The following SLC24A3 variants were observed in gnomAD, a reference collection of about 807,000 sequenced individuals.
SLC24A3 encodes sodium/potassium/calcium exchanger 3.
SLC24A3 carries 28 observed loss-of-function variants against 75.8 expected under a neutral mutation model. The ratio of observed to expected loss-of-function variants is 0.37; its 90% confidence interval spans 0.27 to 0.51. SLC24A3 has a LOEUF of 0.51. Among genes scored for constraint, SLC24A3 ranks in the 20% least tolerant of loss-of-function variants. The pLI, the probability that SLC24A3 is intolerant of heterozygous loss-of-function variation, is 0.94. For synonymous variants in SLC24A3, 372 were observed against 334.1 expected (o/e 1.11, Z -1.24); for missense variants, 663 against 847.8 (o/e 0.78, Z 2.71).
In SLC24A3 at chr20:19,346,063, CTATATATATATATATA is replaced by C. The variant is rs763603062; in HGVS notation, c.271+65006_271+65021del. On this transcript the variant is annotated intron_variant, in intron 2 of 16. Transcript: ENST00000328041. ...CCCATCAATCAATGAATAAAGAAAA[CTATATATATATATATA>C]TATATATATATATATATATATATAT... Among the ~76,000 whole-genome samples the C allele has an allele frequency of 7.2e-3, 154 of 21,256 alleles. 8 individuals carry two copies. In the East Asian group the frequency reaches 0.099, roughly 14 times the overall value. 13.9% of individuals were successfully genotyped at this position (21,256 alleles called of 152,430 possible).
chr20:19,554,593 AGTT>A (rs1179714681), intron 3 of SLC24A3, among the ~76,000 whole-genome samples: 3 of 151,978 alleles, frequency 2.0e-5, no homozygotes, highest in African/African-American at 7.2e-5. Context: ...TGTTTGACGG[AGTT>A]GTTGTTAAGC....
intron 2 of SLC24A3, among the ~76,000 whole-genome samples, chr20:19,424,581 C>T (rs1986967791): frequency 6.6e-6 from 1 of 151,834 alleles, no homozygotes; most frequent in Non-Finnish European, 1.5e-5. Context: ...ATCCCAGCTA[C>T]TTGGGAGGCT....
At chr20:19,704,741 G>C (rs1197785047) in intron 15 of SLC24A3, among the ~76,000 whole-genome samples, 1 of 152,160 alleles carries the variant, frequency 6.6e-6, no homozygotes, top group Non-Finnish European at 1.5e-5. Context: ...AGCATTCTGA[G>C]AAGGAACAGT....
intron 2 of SLC24A3, among the ~76,000 whole-genome samples, chr20:19,395,094 A>G (rs949825806): frequency 4.6e-5 from 7 of 152,348 alleles, no homozygotes; most frequent in Admixed American, 2.0e-4. Context: ...TTATAAAAAG[A>G]CAAATACTAT....
chr20:19,609,158 G>C (rs2031638970), intron 6 of SLC24A3, among the ~76,000 whole-genome samples: 1 of 152,260 alleles, frequency 6.6e-6, no homozygotes, highest in Middle Eastern at 3.4e-3. Context: ...TGAAACTCTT[G>C]AATGTTTTTC....
intron 2 of SLC24A3, among the ~76,000 whole-genome samples, chr20:19,317,338 T>C (rs1422147970): frequency 6.6e-6 from 1 of 152,238 alleles, no homozygotes. Flanking sequence ...CTAAGTGAGC[T>C]ACCGGTGACT....
intron 3 of SLC24A3, among the ~76,000 whole-genome samples, chr20:19,553,445 T>A: frequency 6.6e-6 from 1 of 152,080 alleles, no homozygotes; most frequent in East Asian, 1.9e-4. Context: ...AAATGAGAAA[T>A]CTCATGTATG....
intron 2 of SLC24A3, among the ~76,000 whole-genome samples, chr20:19,418,176 A>G (rs748333640): frequency 6.6e-6 from 1 of 152,208 alleles, no homozygotes; most frequent in Admixed American, 6.5e-5. Context: ...CAAAGTGGAA[A>G]AGCAGGACAA....
intron 2 of SLC24A3, among the ~76,000 whole-genome samples, chr20:19,304,994 G>T (rs1157281598): frequency 6.6e-6 from 1 of 152,028 alleles, no homozygotes; most frequent in African/African-American, 2.4e-5. Flanking sequence ...AACTTTTCCT[G>T]TTGGCTGCTT....
At chr20:19,341,045 A>G (rs1985261244) in intron 2 of SLC24A3, among the ~76,000 whole-genome samples, 1 of 152,190 alleles carries the variant, frequency 6.6e-6, no homozygotes, top group South Asian at 2.1e-4. Context: ...TACCTGTAGG[A>G]TGAGTGCACC....
chr20:19,567,263 G>A (rs1172680973), intron 3 of SLC24A3, among the ~76,000 whole-genome samples: 1 of 152,148 alleles, frequency 6.6e-6, no homozygotes, highest in African/African-American at 2.4e-5. Context: ...CAAAGACATG[G>A]AATCAACTTA....
At chr20:19,718,902 G>C (rs1228135855) in intron 16 of SLC24A3, among the ~76,000 whole-genome samples, 2 of 152,212 alleles carry the variant, frequency 1.3e-5, no homozygotes, top group Admixed American at 1.3e-4. Context: ...AGATCTCCAA[G>C]GGAATGAGTG....
intron 1 of SLC24A3, among the ~76,000 whole-genome samples, chr20:19,246,255 A>G (rs919492127): frequency 1.2e-4 from 19 of 152,170 alleles, no homozygotes; most frequent in Admixed American, 2.0e-4. Context: ...GTTCAGTGTG[A>G]TAAGTTAGAA....
chr20:19,327,627 G>GTT (rs1984895643), intron 2 of SLC24A3, among the ~76,000 whole-genome samples: 1 of 152,176 alleles, frequency 6.6e-6, no homozygotes, highest in African/African-American at 2.4e-5. Flanking sequence ...TTTGCATGTG[G>GTT]TCTTTGTCGT....
chr20:19,643,718 C>T (rs2032101327), intron 6 of SLC24A3, among the ~76,000 whole-genome samples: 1 of 152,196 alleles, frequency 6.6e-6, no homozygotes, highest in Non-Finnish European at 1.5e-5. Flanking sequence ...TTTCTGAACT[C>T]ACCTGGTAGG....
At chr20:19,248,683 G>A (rs1982564485) in intron 1 of SLC24A3, among the ~76,000 whole-genome samples, 1 of 152,054 alleles carries the variant, frequency 6.6e-6, no homozygotes, top group African/African-American at 2.4e-5. Context: ...GTATGTTGAA[G>A]GGATATGCAC....
intron 2 of SLC24A3, among the ~76,000 whole-genome samples, chr20:19,304,431 C>A (rs1204623894): frequency 6.6e-6 from 1 of 152,182 alleles, no homozygotes; most frequent in Non-Finnish European, 1.5e-5. Context: ...GCCTGGGAGT[C>A]CCTACTTGCA....
At chr20:19,693,234 T>G in intron 12 of SLC24A3, 25 bp from the exon 13 acceptor site, 1 of 1,592,960 alleles carries the variant, frequency 6.3e-7, no homozygotes, top group Non-Finnish European at 8.5e-7. Flanking sequence ...TTTTTATTTC[T>G]TTTTGGCCTT....
chr20:19,673,494 TCTC>T (rs2032491944), intron 8 of SLC24A3, 104 bp from the exon 9 acceptor site: 1 of 925,318 alleles, frequency 1.1e-6, no homozygotes, highest in Non-Finnish European at 1.8e-6. Context: ...CCGTCTGCCT[TCTC>T]CTTACTATCC....
Sources: allele counts gnomAD v4.1 joint callset (sites outside exome capture counted in the v4.1 genomes callset), GRCh38; gene constraint gnomAD v4.1.1; transcripts MANE v1.5; gene names NCBI Gene and HGNC (gene_info 2026-07-23, HGNC 2026-07-21).